Variants in NKAIN2 observed in about 807,000 individuals in gnomAD.
The protein encoded by NKAIN2 is sodium/potassium transporting ATPase interacting 2, also known as sodium/potassium-transporting ATPase subunit beta-1-interacting protein 2.
In NKAIN2, 14 loss-of-function variants were observed where a neutral mutation model predicts 32.6. The ratio of observed to expected loss-of-function variants is 0.43; its 90% CI spans 0.28 to 0.67. The LOEUF (loss-of-function observed/expected upper bound fraction) is 0.67. NKAIN2 is among the 30% of genes least tolerant of loss of function. The pLI is 0.17. For missense variants in NKAIN2, 198 were observed against 258.3 expected (o/e 0.77, Z 1.60); for synonymous variants, 80 against 87.2 (o/e 0.92, Z 0.46).
intron 3 of NKAIN2, among the ~76,000 whole-genome samples, chr6:124,549,605 C>T (rs1380779175): frequency 6.6e-6 from 1 of 152,092 alleles, no homozygotes; most frequent in African/African-American, 2.4e-5. Context: ...TTTCCTTGTC[C>T]CAGGATCCCA....
chr6:124,466,861 A>G (rs142660462), intron 3 of NKAIN2, among the ~76,000 whole-genome samples: 333 of 152,218 alleles, frequency 2.2e-3, no homozygotes, highest in African/African-American at 7.7e-3. Context: ...TTTCTTTCCA[A>G]TTATGAAACT....
chr6:124,644,977 C>T (rs1027746924), intron 3 of NKAIN2, among the ~76,000 whole-genome samples: 7 of 152,140 alleles, frequency 4.6e-5, no homozygotes, highest in African/African-American at 1.7e-4. Flanking sequence ...TAAATGTCTA[C>T]AGGAAAATAG....
chr6:123,887,655 A>C (rs151118036), intron 1 of NKAIN2, among the ~76,000 whole-genome samples: 2 of 152,282 alleles, frequency 1.3e-5, no homozygotes, highest in Non-Finnish European at 2.9e-5. Flanking sequence ...AGAATATTAG[A>C]GGAAGATGAG....
At chr6:124,509,977 A>G (rs931890245) in intron 3 of NKAIN2, among the ~76,000 whole-genome samples, 1 of 152,212 alleles carries the variant, frequency 6.6e-6, no homozygotes, top group Admixed American at 6.5e-5. Context: ...CTAACTGCTT[A>G]CATATACACA....
intron 1 of NKAIN2, among the ~76,000 whole-genome samples, chr6:124,269,350 C>A (rs1340467846): frequency 1.3e-5 from 2 of 152,100 alleles, no homozygotes; most frequent in African/African-American, 4.8e-5. Context: ...CCAGAAATAG[C>A]ATACCTCATG....
intron 3 of NKAIN2, among the ~76,000 whole-genome samples, chr6:124,511,184 G>T (rs1778696875): frequency 6.6e-6 from 1 of 152,052 alleles, no homozygotes; most frequent in South Asian, 2.1e-4. Context: ...CCAGAGATTG[G>T]TTTTAATCTG....
intron 1 of NKAIN2, among the ~76,000 whole-genome samples, chr6:124,179,744 T>G (rs1789343927): frequency 6.6e-6 from 1 of 152,196 alleles, no homozygotes; most frequent in African/African-American, 2.4e-5. Context: ...GTGACTGTTA[T>G]GTTGGTTTCT....
intron 3 of NKAIN2, among the ~76,000 whole-genome samples, chr6:124,418,368 A>T (rs1224499705): frequency 6.6e-6 from 1 of 151,876 alleles, no homozygotes; most frequent in Non-Finnish European, 1.5e-5. Context: ...GTCTTCCAAG[A>T]TGATTTTCAG....
chr6:124,542,078 A>G (rs1010971133), intron 3 of NKAIN2, among the ~76,000 whole-genome samples: 10 of 152,116 alleles, frequency 6.6e-5, no homozygotes, highest in Non-Finnish European at 1.3e-4. Flanking sequence ...CTGGCTATGA[A>G]TTTCAAAAAG....
At chr6:124,477,186 AGAGCTATTGTG>A (rs2114689659) in intron 3 of NKAIN2, among the ~76,000 whole-genome samples, 1 of 152,356 alleles carries the variant, frequency 6.6e-6, no homozygotes, top group South Asian at 2.1e-4. Context: ...GGAGAATATA[AGAGCTATTGTG>A]GGCATAAGTC....
chr6:124,343,386 G>T (rs1256854726), intron 2 of NKAIN2, among the ~76,000 whole-genome samples: 1 of 150,130 alleles, frequency 6.7e-6, no homozygotes, highest in East Asian at 2.0e-4. Flanking sequence ...TCTAGTTCTA[G>T]ATCCCAGAGG....
chr6:124,767,625 C>T (rs112931994), intron 4 of NKAIN2, among the ~76,000 whole-genome samples: 20 of 152,196 alleles, frequency 1.3e-4, no homozygotes, highest in Middle Eastern at 3.4e-3. Flanking sequence ...CTCATAAGCA[C>T]GTATGCAGTT....
chr6:123,921,671 T>C (rs1775761390), intron 1 of NKAIN2, among the ~76,000 whole-genome samples: 1 of 152,228 alleles, frequency 6.6e-6, no homozygotes, highest in Non-Finnish European at 1.5e-5. Context: ...TGGAGATATT[T>C]AATTAAAGGA....
At chr6:124,608,745 C>T (rs1305080497) in intron 3 of NKAIN2, among the ~76,000 whole-genome samples, 4 of 152,188 alleles carry the variant, frequency 2.6e-5, no homozygotes, top group Admixed American at 2.6e-4. Context: ...CTGTGGGTCA[C>T]ATCCCTGGAG....
intron 3 of NKAIN2, among the ~76,000 whole-genome samples, chr6:124,558,007 T>C (rs1002151147): frequency 6.6e-6 from 1 of 152,268 alleles, no homozygotes; most frequent in Non-Finnish European, 1.5e-5. Context: ...ATACAATGCA[T>C]TGCTTTTTAG....
chr6:124,257,568 G>T (rs1471125509), intron 1 of NKAIN2, among the ~76,000 whole-genome samples: 1 of 152,002 alleles, frequency 6.6e-6, no homozygotes, highest in Non-Finnish European at 1.5e-5. Context: ...AAGCCCATTT[G>T]AAATACAACA....
chr6:123,852,019 A>G (rs1775369014), intron 1 of NKAIN2, among the ~76,000 whole-genome samples: 1 of 152,156 alleles, frequency 6.6e-6, no homozygotes, highest in African/African-American at 2.4e-5. Context: ...TATCAAAAAA[A>G]TTATTGCCCA....
At chr6:123,812,050 G>A (rs1460971442) in intron 1 of NKAIN2, among the ~76,000 whole-genome samples, 9 of 148,938 alleles carry the variant, frequency 6.0e-5, no homozygotes, top group Non-Finnish European at 7.4e-5. Flanking sequence ...GCCCCCCACC[G>A]CCCCCACCCT....
intron 3 of NKAIN2, among the ~76,000 whole-genome samples, chr6:124,469,509 G>T (rs1319221845): frequency 1.3e-5 from 2 of 152,146 alleles, no homozygotes; most frequent in Non-Finnish European, 2.9e-5. Flanking sequence ...TTTTTATTCA[G>T]TGTTATCCTG....
Sources: gnomAD v4.1 joint callset for allele counts (sites outside exome capture counted in the v4.1 genomes callset) on GRCh38, gnomAD v4.1.1 for gene constraint, MANE v1.5 for transcripts, NCBI Gene and HGNC (gene_info 2026-07-23, HGNC 2026-07-21) for gene names.